The following SIK2 variants were observed in gnomAD, a reference collection of about 807,000 sequenced individuals.
SIK2 encodes the protein salt inducible kinase 2, also known as serine/threonine-protein kinase SIK2.
In SIK2, 29 loss-of-function variants were observed where a neutral mutation model predicts 103.2. The ratio of observed to expected loss-of-function variants is 0.28; its 90% CI spans 0.21 to 0.38. The LOEUF is 0.38. Among genes scored for constraint, SIK2 ranks in the 10% least tolerant of loss-of-function variants. The pLI, the probability that SIK2 is intolerant of heterozygous loss-of-function variation, is 1.00. For missense variants in SIK2, 879 were observed against 1,171.0 expected (o/e 0.75, Z 3.64); for synonymous variants, 412 against 446.1 (o/e 0.92, Z 0.96).
rs536960472 is a variant in SIK2, at chr11:111,691,383, A to C, written c.478+3221A>C. Reference sequence around the variant, plus strand: ...TAGATACTTACTTCATCTTCACAGCAATCTTGGGAGCCGCTTAGCTATTGC... The same window carrying C: ...TAGATACTTACTTCATCTTCACAGCCATCTTGGGAGCCGCTTAGCTATTGC... On this transcript the variant is annotated intron_variant, in intron 4 of 14. Coordinates refer to ENST00000304987, the MANE Select transcript of SIK2 (RefSeq NM_015191.3). Among the ~76,000 whole-genome samples, 408 of 152,268 alleles carry C rather than the reference A, an allele frequency of 2.7e-3. 2 individuals carry two copies. Among genetic ancestry groups the C allele is most frequent in the African/African-American group, 9.4e-3 (391 of 41,564 alleles).
Position 111,723,945 on chromosome 11 carries a change from A to G in SIK2, c.2597A>G (p.Gln866Arg), listed in dbSNP as rs753898973. 3 of 1,613,966 alleles carry G rather than the reference A, an allele frequency of 1.9e-6. No homozygotes were observed. The East Asian group carries it at 6.7e-5, about 36-fold the overall frequency. ...GCGCCAGACTATCCCACTCCCTGTC[A>G]GTATCCTGTGGATGGAGCCCAGCAG... ...SPAPDYPTPC[Q>R]YPVDGAQQSD... Residue 866 changes from glutamine (Q) to arginine (R), a missense_variant, in exon 15 of 15, where the codon CAG becomes CGG. Transcript: ENST00000304987.
intron 3 of SIK2, among the ~76,000 whole-genome samples, chr11:111,672,576 AT>A (rs958256013): frequency 4.0e-4 from 60 of 150,978 alleles, no homozygotes; most frequent in East Asian, 1.2e-3. Context: ...CCATTAAATT[AT>A]TTTTTTTTTC....
intron 3 of SIK2, among the ~76,000 whole-genome samples, chr11:111,634,491 C>A (rs1942079654): frequency 6.6e-6 from 1 of 152,000 alleles, no homozygotes; most frequent in Non-Finnish European, 1.5e-5. Flanking sequence ...CGTCCCAGGT[C>A]AGTATTGCTT....
Position 111,724,279 on chromosome 11 carries a change from G to A in SIK2, c.*150G>A. On this transcript the variant is annotated 3_prime_UTR_variant, in exon 15 of 15. Coordinates refer to ENST00000304987, the MANE Select transcript of SIK2 (RefSeq NM_015191.3). ...CAACTGGAATCAGAGGGTCTGGCTGGGGTGGATGTTGCTTCCTCCTGGTTC... is the reference window on the plus strand; with the variant it reads ...CAACTGGAATCAGAGGGTCTGGCTGAGGTGGATGTTGCTTCCTCCTGGTTC... 1 of 1,169,060 alleles carries A rather than the reference G, an allele frequency of 8.6e-7. No homozygotes were observed. The highest frequency in any genetic ancestry group is 1.6e-5 in the South Asian group (1 of 60,684). The allele number at this position is 1,169,060 out of a possible 1,614,324, so 72.4% of individuals were successfully genotyped here.
At chr11:111,625,814 GA>G (rs1047111638) in intron 3 of SIK2, among the ~76,000 whole-genome samples, 3 of 152,272 alleles carry the variant, frequency 2.0e-5, no homozygotes, top group African/African-American at 7.2e-5. Flanking sequence ...AAAAAGAAAT[GA>G]GGTAGTAGGT....
chr11:111,672,724 T>G (rs1942645764), intron 3 of SIK2, among the ~76,000 whole-genome samples: 1 of 152,170 alleles, frequency 6.6e-6, no homozygotes, highest in African/African-American at 2.4e-5. Flanking sequence ...AAACAACACC[T>G]TCAAGAGGAT....
Position 111,701,376 on chromosome 11 carries a change from C to A in SIK2, c.604-76C>A. 6.5e-7 allele frequency: 1 copy of A among 1,540,856 alleles called. No homozygotes were observed. The highest frequency in any genetic ancestry group is 1.3e-5 in the South Asian group (1 of 79,294). On this transcript the variant is annotated intron_variant, in intron 5 of 14. Transcript: ENST00000304987. This position sits in a 1 kb window ranked among gnomAD's most constrained non-coding sequence, Gnocchi z 4.2. ...TTTTCAGTCCATATGATTTCAAGAG[C>A]CCTGGGGATGTTCAGGAAAACAAAG...
chr11:111,645,912 C>T (rs1241503137), intron 3 of SIK2, among the ~76,000 whole-genome samples: 3 of 151,966 alleles, frequency 2.0e-5, no homozygotes, highest in Non-Finnish European at 2.9e-5. Context: ...GGGGGAGGTG[C>T]TTCTGGAGTT....
chr11:111,722,735 A>G lies in SIK2; in HGVS notation c.2126A>G (p.Glu709Gly), dbSNP rs771099858. The G allele has an allele frequency of 1.2e-6, 2 of 1,614,124 alleles. No homozygotes were observed. Among genetic ancestry groups the G allele is most frequent in the Non-Finnish European group, 1.7e-6 (2 of 1,179,972 alleles). Residue 709 changes from glutamate (E) to glycine (G), a missense_variant, in exon 14 of 15, where the codon GAG (glutamate) becomes GGG (glycine). Around this residue, in one of 7 missense-constraint regions of SIK2, gnomAD observed 375 missense variants for 416.3 expected, o/e 0.90. Coordinates refer to ENST00000304987, the MANE Select transcript of SIK2 (RefSeq NM_015191.3). This position sits in a 1 kb window ranked among gnomAD's most constrained non-coding sequence, Gnocchi z 4.4. ...LYCKEPPRSL[E>G]QQLQEHRLQQ... ...TGCAAAGAACCACCGCGGAGCCTTG[A>G]GCAGCAGCTGCAGGAACATAGGTGA...
intron 3 of SIK2, among the ~76,000 whole-genome samples, chr11:111,622,392 C>A (rs1473932564): frequency 6.6e-6 from 1 of 151,554 alleles, no homozygotes; most frequent in Non-Finnish European, 1.5e-5. Context: ...AATAACTGGT[C>A]CTACAGGCAC....
Position 111,634,572 on chromosome 11 carries a change from A to G in SIK2, c.316+14170A>G, listed in dbSNP as rs79954491. Among the ~76,000 whole-genome samples the G allele has an allele frequency of 6.9e-3, 1,050 of 152,266 alleles. 12 individuals carry two copies. Among genetic ancestry groups the G allele is most frequent in the African/African-American group, 0.024 (1,005 of 41,536 alleles). On this transcript the variant is annotated intron_variant, in intron 3 of 14. Coordinates refer to ENST00000304987, the MANE Select transcript of SIK2 (RefSeq NM_015191.3). ...CAGATTGCCATCATTTCTCACTTGA[A>G]TCACTTCAACACCTAAGTCCTTTTT...
intron 9 of SIK2, among the ~76,000 whole-genome samples, chr11:111,713,495 T>C (rs1943557234): frequency 6.6e-6 from 1 of 152,152 alleles, no homozygotes; most frequent in African/African-American, 2.4e-5. Context: ...TGAGATAATG[T>C]GTGTGAGGTT....
Position 111,606,759 on chromosome 11 carries a change from A to G in SIK2, c.135+4061A>G, listed in dbSNP as rs112453030. Reference sequence around the variant, plus strand: ...CTAAGTAACAAGGTATTATTTTTACATTAAAGAGTAGTGTATTTTTATTAC... The same window carrying G: ...CTAAGTAACAAGGTATTATTTTTACGTTAAAGAGTAGTGTATTTTTATTAC... On this transcript the variant is annotated intron_variant, in intron 1 of 14. Transcript: ENST00000304987. 1.2e-3 allele frequency among the ~76,000 whole-genome samples: 188 copies of G among 152,224 alleles called. 2 individuals are homozygous for G. The highest frequency in any genetic ancestry group is 4.3e-3 in the African/African-American group (180 of 41,564).
chr11:111,690,853 C>T (rs1218536136), intron 4 of SIK2, among the ~76,000 whole-genome samples: 1 of 152,148 alleles, frequency 6.6e-6, no homozygotes, highest in Non-Finnish European at 1.5e-5. Flanking sequence ...TGTATCCAGT[C>T]TATCATTGAC....
At chr11:111,664,890 G>A (rs1942515044) in intron 3 of SIK2, among the ~76,000 whole-genome samples, 1 of 152,144 alleles carries the variant, frequency 6.6e-6, no homozygotes, top group South Asian at 2.1e-4. Flanking sequence ...TAGCTTGGGA[G>A]CTTGGGGACT....
chr11:111,611,396 A>G (rs1304874685), intron 1 of SIK2, among the ~76,000 whole-genome samples: 4 of 152,250 alleles, frequency 2.6e-5, no homozygotes, highest in African/African-American at 4.8e-5. Context: ...CAGAAAAATT[A>G]TAATCTATTT....
intron 3 of SIK2, among the ~76,000 whole-genome samples, chr11:111,680,064 G>A (rs1170080588): frequency 1.3e-5 from 2 of 151,752 alleles, no homozygotes; most frequent in Admixed American, 6.6e-5. Flanking sequence ...GGAGGTTGCA[G>A]TGAGCCGAGA....
chr11:111,602,763 A>G lies in SIK2; in HGVS notation c.135+65A>G. On this transcript the variant is annotated intron_variant, in intron 1 of 14. Transcript: ENST00000304987. The surrounding 1 kb of genome is among the most constrained non-coding windows in gnomAD (Gnocchi z 4.5). ...TTCGGGAGAGGAGCTGCTTACCGAGAGGGGCGGCCGCAGTGGTGGGACCGG... is the reference window on the plus strand; with the variant it reads ...TTCGGGAGAGGAGCTGCTTACCGAGGGGGGCGGCCGCAGTGGTGGGACCGG... The G allele has an allele frequency of 1.4e-6, 2 of 1,421,108 alleles. No individual in the cohort carries two copies. The highest frequency in any genetic ancestry group is 1.5e-5 in the South Asian group (1 of 68,540). 88.0% of individuals were successfully genotyped at this position (1,421,108 alleles called of 1,614,324 possible).
intron 1 of SIK2, among the ~76,000 whole-genome samples, chr11:111,608,918 G>A (rs2135829324): frequency 6.6e-6 from 1 of 152,230 alleles, no homozygotes; most frequent in Admixed American, 6.5e-5. Context: ...TCACCAGGAA[G>A]AACTCATATT....
Sources: gnomAD v4.1 joint callset for allele counts (sites outside exome capture counted in the v4.1 genomes callset) on GRCh38, gnomAD v4.1.1 for gene constraint, gnomAD v4.1.1 regional missense constraint, Gnocchi (gnomAD v3.1) non-coding constraint, MANE v1.5 for transcripts, NCBI Gene and HGNC (gene_info 2026-07-23, HGNC 2026-07-21) for gene names.